The following UNC5C variants were observed in gnomAD, a reference collection of about 807,000 sequenced individuals.
UNC5C encodes unc-5 netrin receptor C, also known as netrin receptor UNC5C.
UNC5C carries 47 observed loss-of-function variants against 99.8 expected under a neutral mutation model. The observed-to-expected ratio is 0.47, with a 90% confidence interval of 0.37 to 0.60. The LOEUF (loss-of-function observed/expected upper bound fraction) is 0.60. UNC5C is among the 20% of genes least tolerant of loss of function. The probability of loss-of-function intolerance (pLI) is 0.00; values close to 1 mark genes in which losing one functional copy is unlikely to be tolerated. For synonymous variants in UNC5C, 487 were observed against 452.2 expected (o/e 1.08, Z -0.98); for missense variants, 1,062 against 1,165.9 (o/e 0.91, Z 1.30).
chr4:95,388,803 T>G (rs1204972349), intron 1 of UNC5C, among the ~76,000 whole-genome samples: 1 of 152,164 alleles, frequency 6.6e-6, no homozygotes, highest in African/African-American at 2.4e-5. Flanking sequence ...TCAGACAAAT[T>G]CATATCATTT....
chr4:95,351,923 C>T (rs565711310), intron 1 of UNC5C, among the ~76,000 whole-genome samples: 3 of 152,218 alleles, frequency 2.0e-5, no homozygotes, highest in African/African-American at 4.8e-5. Context: ...TTGCAAACTT[C>T]CTCCTCTTTG....
At chr4:95,256,699 A>ATATATAT (rs1553958327) in intron 4 of UNC5C, among the ~76,000 whole-genome samples, 45 of 90,684 alleles carry the variant, frequency 5.0e-4, no homozygotes, top group Middle Eastern at 4.9e-3. Context: ...GAACTAAATA[A>ATATATAT]ATATATATAT....
chr4:95,393,128 T>C (rs1443728716), intron 1 of UNC5C, among the ~76,000 whole-genome samples: 1 of 152,188 alleles, frequency 6.6e-6, no homozygotes, highest in Non-Finnish European at 1.5e-5. Flanking sequence ...ACTGCTCTTC[T>C]GCTATGTGTC....
intron 1 of UNC5C, among the ~76,000 whole-genome samples, chr4:95,410,501 G>T: frequency 6.6e-6 from 1 of 152,190 alleles, no homozygotes. Context: ...AGAGAAGAGG[G>T]TGGAGTCAGA....
chr4:95,473,701 T>TGA (rs1391686343), intron 1 of UNC5C, among the ~76,000 whole-genome samples: 2 of 152,146 alleles, frequency 1.3e-5, no homozygotes, highest in African/African-American at 2.4e-5. Flanking sequence ...TTTCAGTCAG[T>TGA]GACCTATGTG....
intron 7 of UNC5C, among the ~76,000 whole-genome samples, chr4:95,234,330 A>T (rs1354887303): frequency 6.6e-6 from 1 of 152,014 alleles, no homozygotes; most frequent in Non-Finnish European, 1.5e-5. Flanking sequence ...TTTAGATCAG[A>T]CATATATTTT....
intron 1 of UNC5C, among the ~76,000 whole-genome samples, chr4:95,354,662 T>C (rs1744115023): frequency 6.6e-6 from 1 of 151,688 alleles, no homozygotes; most frequent in Non-Finnish European, 1.5e-5. Context: ...TTACATTTTT[T>C]TGTAGAGATG....
At chr4:95,306,518 A>T (rs1209307544) in intron 2 of UNC5C, among the ~76,000 whole-genome samples, 1 of 152,050 alleles carries the variant, frequency 6.6e-6, no homozygotes, top group Non-Finnish European at 1.5e-5. Context: ...GTATTTTATA[A>T]ACATATCTTG....
At chr4:95,218,330 T>G (rs180929586) in intron 9 of UNC5C, among the ~76,000 whole-genome samples, 148 of 152,274 alleles carry the variant, frequency 9.7e-4, no homozygotes, top group African/African-American at 3.5e-3. Context: ...TGAAAGACCT[T>G]TATGAGGCTT....
intron 4 of UNC5C, among the ~76,000 whole-genome samples, chr4:95,266,522 G>T (rs1740453219): frequency 6.6e-6 from 1 of 152,190 alleles, no homozygotes; most frequent in Non-Finnish European, 1.5e-5. Flanking sequence ...CTACTTGTGT[G>T]CAGTGTGATT....
At chr4:95,336,726 T>C (rs1007755134) in intron 1 of UNC5C, among the ~76,000 whole-genome samples, 2 of 151,906 alleles carry the variant, frequency 1.3e-5, no homozygotes, top group African/African-American at 4.8e-5. Context: ...AAAAATTGAC[T>C]TCACTTGCAT....
At chr4:95,250,796 T>A in intron 4 of UNC5C, 129 bp from the exon 5 acceptor site, 1 of 897,502 alleles carries the variant, frequency 1.1e-6, no homozygotes. Flanking sequence ...TTTTGTAATA[T>A]GTACAATGTT....
chr4:95,202,310 G>A (rs1003215339), intron 12 of UNC5C, among the ~76,000 whole-genome samples: 3 of 152,152 alleles, frequency 2.0e-5, no homozygotes, highest in Admixed American at 6.5e-5. Context: ...ATGCTAACCC[G>A]CTCCTTCACA....
intron 12 of UNC5C, among the ~76,000 whole-genome samples, chr4:95,198,279 G>A (rs1413580283): frequency 2.6e-5 from 4 of 151,882 alleles, no homozygotes; most frequent in African/African-American, 4.8e-5. Flanking sequence ...GTGAGTCACC[G>A]TGCCCAGTGA....
chr4:95,450,547 T>C (rs1436432248), intron 1 of UNC5C, among the ~76,000 whole-genome samples: 1 of 152,226 alleles, frequency 6.6e-6, no homozygotes, highest in Non-Finnish European at 1.5e-5. Flanking sequence ...GGTTTTGAAC[T>C]GCACTGTGAA....
chr4:95,189,339 T>C (rs1579212706), intron 12 of UNC5C, among the ~76,000 whole-genome samples: 3 of 152,194 alleles, frequency 2.0e-5, no homozygotes, highest in Admixed American at 2.0e-4. Flanking sequence ...CAGGCTGGAG[T>C]GCAGTGGCGT....
At chr4:95,472,246 A>G (rs968182012) in intron 1 of UNC5C, among the ~76,000 whole-genome samples, 7 of 152,148 alleles carry the variant, frequency 4.6e-5, no homozygotes, top group Non-Finnish European at 7.4e-5. Context: ...AGAAGTGTAA[A>G]TTAAATTCTT....
At chr4:95,189,658 AC>A (rs1484979416) in intron 12 of UNC5C, among the ~76,000 whole-genome samples, 1 of 152,112 alleles carries the variant, frequency 6.6e-6, no homozygotes, top group Non-Finnish European at 1.5e-5. Context: ...GAAACAAACA[AC>A]CCCATCAAAA....
intron 11 of UNC5C, among the ~76,000 whole-genome samples, chr4:95,204,246 G>T (rs1423010684): frequency 6.6e-6 from 1 of 152,206 alleles, no homozygotes; most frequent in Non-Finnish European, 1.5e-5. Context: ...TTAAAAAATA[G>T]TTACTAATTC....
Sources: gnomAD v4.1 joint callset for allele counts (sites outside exome capture counted in the v4.1 genomes callset) on GRCh38, gnomAD v4.1.1 for gene constraint, MANE v1.5 for transcripts, NCBI Gene and HGNC (gene_info 2026-07-23, HGNC 2026-07-21) for gene names.